Variants in GNG5 observed in about 807,000 individuals in gnomAD.
The protein encoded by GNG5 is guanine nucleotide-binding protein G(I)/G(S)/G(O) subunit gamma-5.
Under a neutral mutation model 6.2 loss-of-function variants are expected in GNG5, and 2 were observed. The observed-to-expected ratio is 0.32, with a 90% CI of 0.13 to 1.01. GNG5 has a LOEUF of 1.01. Among genes scored for constraint, GNG5 ranks in the 50% least tolerant of loss-of-function variants. The pLI is 0.48. For synonymous variants in GNG5, 24 were observed against 33.0 expected (o/e 0.73, Z 0.93); for missense variants, 57 against 80.2 (o/e 0.71, Z 1.10).
intron 3 of GNG5, 109 bp downstream of exon 3, chr1:84,501,717 T>C (rs998544502): frequency 1.5e-6 from 1 of 662,546 alleles, no homozygotes. Context: ...ATACTGGAAA[T>C]GGAGGGCCAA....
At chr1:84,498,785 A>G (rs1014464467) in intron 3 of GNG5, among the ~76,000 whole-genome samples, 1 of 152,218 alleles carries the variant, frequency 6.6e-6, no homozygotes, top group African/African-American at 2.4e-5. Context: ...TCTGTATATA[A>G]TAAAAAAGGT....
chr1:84,505,312 C>G (rs1346160116), intron 2 of GNG5, among the ~76,000 whole-genome samples: 2 of 152,176 alleles, frequency 1.3e-5, no homozygotes, highest in Non-Finnish European at 2.9e-5. Flanking sequence ...CCACAATAAT[C>G]ATTTTCTCCG....
At chr1:84,505,339 A>C (rs1682157135) in intron 2 of GNG5, among the ~76,000 whole-genome samples, 1 of 152,206 alleles carries the variant, frequency 6.6e-6, no homozygotes, top group African/African-American at 2.4e-5. Flanking sequence ...GGACCAGTCG[A>C]TATCCCCAAG....
intron 3 of GNG5, 89 bp downstream of exon 3, chr1:84,501,737 C>A: frequency 1.3e-6 from 1 of 787,966 alleles, no homozygotes; most frequent in Non-Finnish European, 2.1e-6. Context: ...AAGGAAAGGG[C>A]ATGGGATGAT....
At chr1:84,501,739 T>A in intron 3 of GNG5, 87 bp downstream of exon 3, 1 of 799,680 alleles carries the variant, frequency 1.3e-6, no homozygotes, top group East Asian at 2.5e-5. Context: ...GGAAAGGGCA[T>A]GGGATGATCT....
intron 2 of GNG5, chr1:84,503,579 T>C (rs1046925698): frequency 1.3e-5 from 2 of 152,212 alleles, no homozygotes; most frequent in African/African-American, 4.8e-5. Context: ...GTGTCATTTT[T>C]CACCAAATAT....
rs1014996845 is a variant in GNG5 at position 84,505,899 on chromosome 1, T to A, written c.81+112A>T. 3 of 740,556 alleles carry A rather than the reference T, an allele frequency of 4.1e-6. No individual in the cohort carries two copies. In the African/African-American group the frequency reaches 5.7e-5, roughly 14 times the overall value. 45.9% of individuals were successfully genotyped at this position (740,556 alleles called of 1,614,324 possible). The stretch of plus-strand genomic sequence containing the variant: ...TCGCCGCCGCTGAGCGCGCGTCCTC[T>A]CCAGGGGAAGCGAGGGCCGGCGCGT... On this transcript the variant is annotated intron_variant, in intron 2 of 3. Transcript: ENST00000370645.
At chr1:84,501,391 C>T (rs1043693894) in intron 3 of GNG5, among the ~76,000 whole-genome samples, 2 of 152,204 alleles carry the variant, frequency 1.3e-5, no homozygotes, top group Admixed American at 1.3e-4. Flanking sequence ...GCAATAACAT[C>T]AAGAGTTAAT....
At position 84,498,558 on chromosome 1, in the gene GNG5, GGA is replaced by G. The variant is rs141421533; in HGVS notation, c.*20-12_*20-11del. 41,970 of 146,946 alleles carry G rather than the reference GGA, an allele frequency of 0.29. 6,694 individuals are homozygous for G. The highest frequency in any genetic ancestry group is 0.42 in the African/African-American group (16,998 of 40,560). 9.1% of individuals were successfully genotyped at this position (146,946 alleles called of 1,614,324 possible). A position where few individuals can be genotyped will look rare whatever the true frequency, so the allele number is the denominator to read the frequency against. On this transcript the variant is annotated splice_polypyrimidine_tract_variant and intron_variant, in intron 3 of 3. Coordinates refer to ENST00000370645, the MANE Select transcript of GNG5 (RefSeq NM_005274.3). ...GAGTGGTTTGGGAAACCTAAGATGGGGAAAAAAAAAAAAAGGTGAGTTAGGGT... is the reference window on the plus strand; with the variant it reads ...GAGTGGTTTGGGAAACCTAAGATGGGAAAAAAAAAAAAGGTGAGTTAGGGT...
At chr1:84,502,495 TC>T (rs1682079733) in intron 2 of GNG5, among the ~76,000 whole-genome samples, 1 of 152,184 alleles carries the variant, frequency 6.6e-6, no homozygotes. Context: ...AAGTATGTTT[TC>T]TTTTGCTTGG....
rs1570366530 is a variant in GNG5 at position 84,506,198 on chromosome 1, T to C, written c.-107A>G. On this transcript the variant is annotated 5_prime_UTR_variant, in exon 2 of 4. Transcript: ENST00000370645. ...GCGGCGGGGGCGGGGCTCCGAACTTTGTCTCTAAGTTTCCGGTTCTGTGCT... is the reference window on the plus strand; with the variant it reads ...GCGGCGGGGGCGGGGCTCCGAACTTCGTCTCTAAGTTTCCGGTTCTGTGCT... The C allele has an allele frequency of 6.1e-6, 5 of 822,682 alleles. No individual in the cohort carries two copies. Among genetic ancestry groups the C allele is most frequent in the Admixed American group, 3.5e-5 (1 of 28,952 alleles). The allele number at this position is 822,682 out of a possible 1,614,324, so 51.0% of individuals were successfully genotyped here. A position where few individuals can be genotyped will look rare whatever the true frequency, so the allele number is the denominator to read the frequency against.
Position 84,506,354 on chromosome 1 carries a change from T to G in GNG5, c.-210-53A>C. 5 of 357,226 alleles carry G rather than the reference T, an allele frequency of 1.4e-5. No individual in the cohort carries two copies. In the East Asian group the frequency reaches 2.5e-4, roughly 18 times the overall value. 22.1% of individuals were successfully genotyped at this position (357,226 alleles called of 1,614,324 possible). ...AGCAGTCGGTGGGCGCGGCGGCTGC[T>G]GGAGGCTAGCGCGACCCGACTCTTA... On this transcript the variant is annotated intron_variant, in intron 1 of 3. Coordinates refer to ENST00000370645, the MANE Select transcript of GNG5 (RefSeq NM_005274.3).
At chr1:84,503,032 C>G (rs1225422164) in intron 2 of GNG5, among the ~76,000 whole-genome samples, 1 of 152,168 alleles carries the variant, frequency 6.6e-6, no homozygotes, top group African/African-American at 2.4e-5. Flanking sequence ...TAAAGGCAGG[C>G]TGCTCAGAAA....
intron 3 of GNG5, among the ~76,000 whole-genome samples, chr1:84,498,865 C>T (rs1681995454): frequency 6.6e-6 from 1 of 152,116 alleles, no homozygotes; most frequent in Non-Finnish European, 1.5e-5. Flanking sequence ...TTTAGCAGGG[C>T]AGTTTGGCAG....
At chr1:84,505,470 G>GT (rs1245070491) in intron 2 of GNG5, among the ~76,000 whole-genome samples, 1 of 152,096 alleles carries the variant, frequency 6.6e-6, no homozygotes, top group Non-Finnish European at 1.5e-5. Flanking sequence ...TCAATCCACA[G>GT]TTTAAGTTAT....
chr1:84,501,941 C>A lies in GNG5; in HGVS notation c.111G>T (p.Gln37His), dbSNP rs1448618810. The change falls in exon 3 of 4, where the codon CAG (glutamine) becomes CAT (histidine). Residue 37 changes from glutamine (Q) to histidine (H), a missense_variant. By Grantham distance (24) the Gln-to-His change is conservative. Coordinates refer to ENST00000370645, the MANE Select transcript of GNG5 (RefSeq NM_005274.3). ...KVSQAAADLK[Q>H]FCLQNAQHDP... is the part of the protein sequence containing the mutation. ...CATGTTGAGCATTCTGCAGACAGAA[C>A]TGTTTCAAGTCTGCAGCTGCCTGGG... The A allele has an allele frequency of 6.2e-7, 1 of 1,609,956 alleles. No homozygotes were observed. The highest frequency in any genetic ancestry group is 1.3e-5 in the African/African-American group (1 of 74,814).
At chr1:84,504,333 T>G (rs1273882275) in intron 2 of GNG5, among the ~76,000 whole-genome samples, 1 of 151,842 alleles carries the variant, frequency 6.6e-6, no homozygotes, top group African/African-American at 2.4e-5. Context: ...CATCAGGCAA[T>G]AACTCCAAAA....
chr1:84,501,249 C>G (rs1049486160), intron 3 of GNG5, among the ~76,000 whole-genome samples: 1 of 151,964 alleles, frequency 6.6e-6, no homozygotes, highest in Non-Finnish European at 1.5e-5. Flanking sequence ...CAAATGAGAA[C>G]AAAATATAAA....
At position 84,501,987 on chromosome 1, in the gene GNG5, G is replaced by T; in HGVS notation, c.82-17C>A. The stretch of plus-strand genomic sequence containing the variant: ...CTGGGAAACCTATACATAACAAAGA[G>T]GGGGGGAAGTGCCAGATGGTGAGAA... On this transcript the variant is annotated splice_polypyrimidine_tract_variant and intron_variant, in intron 2 of 3. Coordinates refer to ENST00000370645, the MANE Select transcript of GNG5 (RefSeq NM_005274.3). 2 of 1,595,976 alleles carry T rather than the reference G, an allele frequency of 1.3e-6. No individual in the cohort carries two copies. The highest frequency in any genetic ancestry group is 2.2e-5 in the South Asian group (2 of 89,880).
Sources: gnomAD v4.1 joint callset for allele counts (sites outside exome capture counted in the v4.1 genomes callset) on GRCh38, gnomAD v4.1.1 for gene constraint, MANE v1.5 for transcripts, NCBI Gene and HGNC (gene_info 2026-07-23, HGNC 2026-07-21) for gene names.